The following ANAPC10 variants were observed in gnomAD, a reference collection of about 807,000 sequenced individuals.
ANAPC10 encodes the protein anaphase promoting complex subunit 10, also known as anaphase-promoting complex subunit 10.
In ANAPC10, 12 loss-of-function variants were observed where a neutral mutation model predicts 22.0. The ratio of observed to expected loss-of-function variants is 0.55; its 90% CI spans 0.35 to 0.88. The LOEUF is 0.88. Ranked by LOEUF, ANAPC10 falls within the 40% of genes least tolerant of loss-of-function variation. The probability of loss-of-function intolerance (pLI) is 0.01; values close to 1 mark genes in which losing one functional copy is unlikely to be tolerated. For missense variants in ANAPC10, 188 were observed against 220.9 expected (o/e 0.85, Z 0.94); for synonymous variants, 65 against 69.5 (o/e 0.94, Z 0.32).
intron 4 of ANAPC10, among the ~76,000 whole-genome samples, chr4:145,005,204 C>A (rs1362680243): frequency 1.3e-5 from 2 of 152,102 alleles, no homozygotes; most frequent in Non-Finnish European, 2.9e-5. Context: ...GCGTGAACCA[C>A]CATACCTGGC....
At chr4:145,001,037 G>C (rs1028885815) in intron 4 of ANAPC10, among the ~76,000 whole-genome samples, 1 of 151,996 alleles carries the variant, frequency 6.6e-6, no homozygotes, top group Non-Finnish European at 1.5e-5. Flanking sequence ...CCTGTCGTAG[G>C]GTGCAGGGCA....
chr4:145,059,969 T>C (rs1360638016), intron 4 of ANAPC10, among the ~76,000 whole-genome samples: 1 of 152,096 alleles, frequency 6.6e-6, no homozygotes, highest in Admixed American at 6.5e-5. Flanking sequence ...ACCATCTTGA[T>C]TTGAAAATTT....
chr4:145,016,250 C>G lies in ANAPC10; in HGVS notation c.328-20647G>C, dbSNP rs546783777. 2.0e-5 allele frequency among the ~76,000 whole-genome samples: 3 copies of G among 152,274 alleles called. No homozygotes were observed. In the East Asian group the frequency reaches 5.8e-4, roughly 29 times the overall value. On this transcript the variant is annotated intron_variant, in intron 4 of 4. Transcript: ENST00000507656. ...CGTCTCAGCCCAAAATCTCCTTAAG[C>G]TAATAAGCAACTTCAGCAGAGTCTC... is the stretch of plus-strand genomic sequence containing the variant.
intron 4 of ANAPC10, among the ~76,000 whole-genome samples, chr4:144,997,953 T>G (rs1027475097): frequency 6.6e-6 from 1 of 152,032 alleles, no homozygotes; most frequent in African/African-American, 2.4e-5. Context: ...AAAATAGACT[T>G]TAAACCAACA....
chr4:145,070,613 T>C (rs1206521027), intron 3 of ANAPC10, among the ~76,000 whole-genome samples: 2 of 152,118 alleles, frequency 1.3e-5, no homozygotes, highest in Non-Finnish European at 2.9e-5. Flanking sequence ...AAACATAGAA[T>C]TACCATATGA....
chr4:145,080,525 T>G (rs1381293228), intron 3 of ANAPC10, among the ~76,000 whole-genome samples: 2 of 152,188 alleles, frequency 1.3e-5, no homozygotes, highest in African/African-American at 4.8e-5. Context: ...GTCTAAAATA[T>G]TCACTATCTG....
At chr4:145,026,231 T>A (rs1216221857) in intron 4 of ANAPC10, among the ~76,000 whole-genome samples, 7 of 152,218 alleles carry the variant, frequency 4.6e-5, no homozygotes, top group African/African-American at 1.7e-4. Context: ...GATGTGTGAA[T>A]GTCCTCAATT....
chr4:145,097,624 A>G (rs1748779295), intron 1 of ANAPC10: 3 of 864,488 alleles, frequency 3.5e-6, no homozygotes, highest in Non-Finnish European at 5.0e-6. Flanking sequence ...TAAACGCTCA[A>G]TAAGTAATTT....
At chr4:145,073,142 C>T (rs1744719555) in intron 3 of ANAPC10, among the ~76,000 whole-genome samples, 5 of 152,202 alleles carry the variant, frequency 3.3e-5, no homozygotes, top group Admixed American at 3.3e-4. Context: ...AATCCTCCTA[C>T]CTCAGCCTCC....
intron 4 of ANAPC10, among the ~76,000 whole-genome samples, chr4:145,050,875 C>G (rs1386441548): frequency 6.6e-6 from 1 of 152,212 alleles, no homozygotes; most frequent in Non-Finnish European, 1.5e-5. Context: ...TCCATCTAGG[C>G]TACTCAAACT....
chr4:145,076,738 C>T (rs1338764509), intron 3 of ANAPC10, among the ~76,000 whole-genome samples: 2 of 152,080 alleles, frequency 1.3e-5, no homozygotes, highest in Non-Finnish European at 1.5e-5. Context: ...AGCTGAAAGA[C>T]GAAATAGCTA....
At chr4:145,065,735 A>C (rs1743579827) in intron 3 of ANAPC10, among the ~76,000 whole-genome samples, 1 of 152,076 alleles carries the variant, frequency 6.6e-6, no homozygotes. Flanking sequence ...ATATAGTTAC[A>C]GTAGAAAAAA....
chr4:145,027,520 T>C (rs1274489178), intron 4 of ANAPC10, among the ~76,000 whole-genome samples: 2 of 152,032 alleles, frequency 1.3e-5, no homozygotes, highest in African/African-American at 2.4e-5. Flanking sequence ...ATAGAAACCA[T>C]TGAGCACCCT....
intron 4 of ANAPC10, among the ~76,000 whole-genome samples, chr4:145,043,548 C>T (rs1739834848): frequency 6.6e-6 from 1 of 152,122 alleles, no homozygotes; most frequent in Admixed American, 6.6e-5. Context: ...AACACATGCA[C>T]TGAGCTGTAA....
intron 2 of ANAPC10, among the ~76,000 whole-genome samples, chr4:145,083,368 T>C (rs1278284157): frequency 6.6e-6 from 1 of 152,186 alleles, no homozygotes; most frequent in Admixed American, 6.5e-5. Flanking sequence ...TTCCAATGTT[T>C]TGCTATTACA....
At chr4:145,089,829 T>C (rs1170404202) in intron 2 of ANAPC10, among the ~76,000 whole-genome samples, 1 of 152,174 alleles carries the variant, frequency 6.6e-6, no homozygotes, top group African/African-American at 2.4e-5. Context: ...GTCTCCTGAT[T>C]TCCTTTTTAT....
chr4:145,018,406 G>A (rs1735519890), intron 4 of ANAPC10, among the ~76,000 whole-genome samples: 1 of 151,916 alleles, frequency 6.6e-6, no homozygotes, highest in Non-Finnish European at 1.5e-5. Flanking sequence ...GGCTCAGGCG[G>A]GCAGATTACT....
At chr4:145,048,896 ATAAAGTTT>A (rs1740699548) in intron 4 of ANAPC10, among the ~76,000 whole-genome samples, 1 of 152,182 alleles carries the variant, frequency 6.6e-6, no homozygotes. Flanking sequence ...CAACTTTGAG[ATAAAGTTT>A]TAAAGTTTTA....
chr4:145,010,903 T>C (rs1489560375), intron 4 of ANAPC10, among the ~76,000 whole-genome samples: 1 of 151,774 alleles, frequency 6.6e-6, no homozygotes, highest in Non-Finnish European at 1.5e-5. Flanking sequence ...AAAATATACA[T>C]CTCTTTTTTA....
Sources: allele counts gnomAD v4.1 joint callset (sites outside exome capture counted in the v4.1 genomes callset), GRCh38; gene constraint gnomAD v4.1.1; transcripts MANE v1.5; gene names NCBI Gene and HGNC (gene_info 2026-07-23, HGNC 2026-07-21).